RTN1: variants seen among roughly 807,000 people sequenced by gnomAD.
RTN1 encodes reticulon 1.
In RTN1, 25 loss-of-function variants were observed where a neutral mutation model predicts 65.5. The observed-to-expected ratio is 0.38, with a 90% CI of 0.28 to 0.53. The LOEUF (loss-of-function observed/expected upper bound fraction) is 0.53, where lower values mean the gene tolerates loss of function less well. Ranked by LOEUF, RTN1 falls within the 20% of genes least tolerant of loss-of-function variation. RTN1 has a pLI of 0.79. For synonymous variants in RTN1, 471 were observed against 447.6 expected, an observed-to-expected ratio of 1.05 and a Z score of -0.66; for missense variants, 983 against 1,025.4, an observed-to-expected ratio of 0.96 and a Z score of 0.57.
At chr14:59,778,973 G>A (rs967531863) in intron 1 of RTN1, among the ~76,000 whole-genome samples, 1 of 152,156 alleles carries the variant, frequency 6.6e-6, no homozygotes, top group Non-Finnish European at 1.5e-5. Context: ...AATCAAGGGA[G>A]ATCTGACCTG....
At chr14:59,607,529 G>GC in intron 3 of RTN1, 37 bp from the exon 4 acceptor site, 1 of 1,542,912 alleles carries the variant, frequency 6.5e-7, no homozygotes, top group South Asian at 1.2e-5. Flanking sequence ...CTGAGCTCCC[G>GC]CAGTGCCGCC....
intron 3 of RTN1, among the ~76,000 whole-genome samples, chr14:59,724,452 C>G (rs1884714223): frequency 6.6e-6 from 1 of 152,228 alleles, no homozygotes; most frequent in South Asian, 2.1e-4. Flanking sequence ...TTAATGCATG[C>G]ATACTGCCAG....
intron 1 of RTN1, among the ~76,000 whole-genome samples, chr14:59,827,589 T>C (rs535003386): frequency 1.6e-3 from 239 of 152,288 alleles, no homozygotes; most frequent in African/African-American, 5.4e-3. Context: ...TAACTCTGCA[T>C]CAGCTCCAAG....
intron 3 of RTN1, among the ~76,000 whole-genome samples, chr14:59,621,131 T>C (rs1882242957): frequency 6.6e-6 from 1 of 152,242 alleles, no homozygotes; most frequent in African/African-American, 2.4e-5. Flanking sequence ...TAGGAAGCTT[T>C]ATACTACCCA....
At chr14:59,663,627 A>T (rs1206919640) in intron 3 of RTN1, among the ~76,000 whole-genome samples, 2 of 135,332 alleles carry the variant, frequency 1.5e-5, no homozygotes, top group Non-Finnish European at 3.2e-5. Context: ...AACTTAAACA[A>T]ATTTACAAGA....
chr14:59,662,513 G>A (rs946870916), intron 3 of RTN1, among the ~76,000 whole-genome samples: 1 of 152,086 alleles, frequency 6.6e-6, no homozygotes, highest in Non-Finnish European at 1.5e-5. Flanking sequence ...TGGCTGCATA[G>A]TATTCCATGG....
chr14:59,760,490 C>G (rs1885726797), intron 1 of RTN1, among the ~76,000 whole-genome samples: 1 of 152,128 alleles, frequency 6.6e-6, no homozygotes, highest in African/African-American at 2.4e-5. Context: ...GAATGTATTA[C>G]TCTTTAAAAC....
In RTN1 at chr14:59,790,839, T is replaced by C. The variant is rs185736067; in HGVS notation, c.242-44358A>G. On this transcript the variant is annotated intron_variant, in intron 1 of 8. Transcript: ENST00000267484. The surrounding 1 kb of genome is among the most constrained non-coding windows in gnomAD (Gnocchi z 4.1). ...GTTTAACTCAGTATCTTATGTTTAC[T>C]GGTTATTTGAAGCCCTTTCTTTTAT... Among the ~76,000 whole-genome samples the C allele has an allele frequency of 1.7e-3, 258 of 152,242 alleles. No homozygotes were observed. Among genetic ancestry groups the C allele is most frequent in the African/African-American group, 5.7e-3 (238 of 41,570 alleles).
At chr14:59,719,493 C>A (rs1884603804) in intron 3 of RTN1, among the ~76,000 whole-genome samples, 1 of 152,220 alleles carries the variant, frequency 6.6e-6, no homozygotes, top group East Asian at 1.9e-4. Context: ...AGAATGTAAG[C>A]CCCATGAGGG....
chr14:59,770,924 G>A (rs1424238128), intron 1 of RTN1, among the ~76,000 whole-genome samples: 1 of 152,018 alleles, frequency 6.6e-6, no homozygotes, highest in East Asian at 1.9e-4. Flanking sequence ...GCCGGTGTCT[G>A]CAATCCCAGC....
chr14:59,707,949 T>A (rs1884334420), intron 3 of RTN1, among the ~76,000 whole-genome samples: 1 of 152,154 alleles, frequency 6.6e-6, no homozygotes, highest in Admixed American at 6.5e-5. Flanking sequence ...GTAAGCCAGA[T>A]GGGGTAGAAT....
At chr14:59,704,040 T>G (rs1884236660) in intron 3 of RTN1, among the ~76,000 whole-genome samples, 1 of 152,180 alleles carries the variant, frequency 6.6e-6, no homozygotes, top group Non-Finnish European at 1.5e-5. Context: ...GATTCAGGTT[T>G]TTCAGCAGCA....
chr14:59,824,281 C>T (rs1295774084), intron 1 of RTN1, among the ~76,000 whole-genome samples: 1 of 152,176 alleles, frequency 6.6e-6, no homozygotes, highest in Non-Finnish European at 1.5e-5. Flanking sequence ...AATATTTTCT[C>T]TCATTCTACC....
At chr14:59,618,326 G>C (rs1882162868) in intron 3 of RTN1, among the ~76,000 whole-genome samples, 1 of 152,136 alleles carries the variant, frequency 6.6e-6, no homozygotes, top group Non-Finnish European at 1.5e-5. Context: ...ATATTTTGCA[G>C]ACCCTGCACT....
intron 5 of RTN1, 64 bp downstream of exon 5, chr14:59,605,304 A>C: frequency 6.5e-7 from 1 of 1,527,806 alleles, no homozygotes; most frequent in Non-Finnish European, 8.8e-7. Flanking sequence ...AGCAGTTTAC[A>C]GTATTACACC....
At chr14:59,689,809 T>A (rs750148907) in intron 3 of RTN1, among the ~76,000 whole-genome samples, 13 of 152,022 alleles carry the variant, frequency 8.6e-5, no homozygotes, top group Non-Finnish European at 1.9e-4. Context: ...TTGAGAGAGT[T>A]CTAAACATAA....
intron 3 of RTN1, among the ~76,000 whole-genome samples, chr14:59,674,398 T>A (rs1436805112): frequency 6.6e-6 from 1 of 152,116 alleles, no homozygotes; most frequent in East Asian, 1.9e-4. Flanking sequence ...CAGTAACAAG[T>A]GGGAGGCAGA....
intron 3 of RTN1, among the ~76,000 whole-genome samples, chr14:59,639,541 C>T (rs1008057788): frequency 1.3e-5 from 2 of 152,160 alleles, no homozygotes; most frequent in East Asian, 1.9e-4. Flanking sequence ...CCTTGTCCTA[C>T]TGCACTGGCT....
chr14:59,748,210 G>GTTTTTTTT (rs67657505), intron 1 of RTN1, among the ~76,000 whole-genome samples: 1 of 125,986 alleles, frequency 7.9e-6, no homozygotes, highest in Non-Finnish European at 1.6e-5. Flanking sequence ...AGTCTGTGAG[G>GTTTTTTTT]TTTTTTTTTT....
Sources: allele counts gnomAD v4.1 joint callset (sites outside exome capture counted in the v4.1 genomes callset), GRCh38; gene constraint gnomAD v4.1.1; non-coding constraint Gnocchi (gnomAD v3.1); transcripts MANE v1.5; gene names NCBI Gene and HGNC (gene_info 2026-07-23, HGNC 2026-07-21).